The following SHPK variants were observed in gnomAD, a reference collection of about 807,000 sequenced individuals.
SHPK encodes sedoheptulokinase.
In SHPK, 51 loss-of-function variants were observed where a neutral mutation model predicts 46.3. The ratio of observed to expected loss-of-function variants is 1.10; its 90% CI spans 0.88 to 1.39. The LOEUF is 1.39. Ranked by LOEUF, SHPK falls within the 40% of genes most tolerant of loss-of-function variation. The probability of loss-of-function intolerance (pLI) is 0.00; values close to 1 mark genes in which losing one functional copy is unlikely to be tolerated. For synonymous variants in SHPK, 290 were observed against 273.9 expected (o/e 1.06, Z -0.58); for missense variants, 668 against 641.3 (o/e 1.04, Z -0.45).
intron 5 of SHPK, among the ~76,000 whole-genome samples, chr17:3,617,964 G>T (rs553544131): frequency 6.6e-6 from 1 of 152,296 alleles, no homozygotes; most frequent in South Asian, 2.1e-4. Context: ...CATAAAAAAT[G>T]CTTTGTCTGC....
intron 2 of SHPK, among the ~76,000 whole-genome samples, chr17:3,628,608 A>G (rs1183580822): frequency 1.3e-5 from 2 of 151,854 alleles, no homozygotes; most frequent in African/African-American, 4.8e-5. Context: ...GGCGTGAGCC[A>G]TTGTGCCTGG....
At chr17:3,614,512 G>T (rs1220131784) in intron 6 of SHPK, among the ~76,000 whole-genome samples, 1 of 147,242 alleles carries the variant, frequency 6.8e-6, no homozygotes. Flanking sequence ...GCAACAGAGC[G>T]AGACTCCATC....
In SHPK at chr17:3,610,818, G is replaced by A. The variant is rs139688635; in HGVS notation, c.1179C>T (p.Leu393=). ...GAGCCCGGGTCACGTGCCCCAGGGA[G>A]AGGTCGGAGGAGGAGATTCTGGTCA... ...ASVTRISSSD[L]SLGHVTRALC... is the part of the protein sequence containing the mutation. The change falls in exon 7 of 7, where the codon CTC becomes CTT. Residue 393 remains leucine, a synonymous_variant. Transcript: ENST00000225519. 3 of 1,614,070 alleles carry A rather than the reference G, an allele frequency of 1.9e-6. No individual in the cohort carries two copies. The highest frequency in any genetic ancestry group is 2.5e-6 in the Non-Finnish European group (3 of 1,180,032).
chr17:3,634,415 C>G (rs1001549344), intron 1 of SHPK, among the ~76,000 whole-genome samples: 3 of 151,316 alleles, frequency 2.0e-5, no homozygotes, highest in Non-Finnish European at 2.9e-5. Flanking sequence ...ACCAAAAATA[C>G]AAAAAAATTC....
chr17:3,635,359 C>A (rs1478926728), intron 1 of SHPK, among the ~76,000 whole-genome samples: 2 of 151,862 alleles, frequency 1.3e-5, no homozygotes, highest in East Asian at 3.9e-4. Context: ...CCTCAGCCTC[C>A]CGAGTAGCTG....
intron 6 of SHPK, among the ~76,000 whole-genome samples, chr17:3,611,247 C>T (rs1194721262): frequency 6.6e-6 from 1 of 152,048 alleles, no homozygotes; most frequent in African/African-American, 2.4e-5. Context: ...GCTTCTTAAC[C>T]AAGGGGACCA....
At position 3,636,238 on chromosome 17, in the gene SHPK, A is replaced by G; in HGVS notation, c.-19T>C. On this transcript the variant is annotated 5_prime_UTR_variant, in exon 1 of 7. Transcript: ENST00000225519. ...CAGCCATTATCTCCCTGACCCGCGC[A>G]GCTCCAGTCTGCAGCCAGCGGCCCC... The G allele has an allele frequency of 1.3e-6, 2 of 1,583,758 alleles. No homozygotes were observed. The highest frequency in any genetic ancestry group is 4.6e-5 in the East Asian group (2 of 43,338).
intron 1 of SHPK, among the ~76,000 whole-genome samples, chr17:3,631,512 C>CCTT (rs2075471665): frequency 5.7e-5 from 3 of 53,036 alleles, no homozygotes; most frequent in African/African-American, 1.8e-4. Flanking sequence ...TAATTTAATG[C>CCTT]TTTTTTTTTT....
At chr17:3,627,716 G>C (rs1385722367) in intron 2 of SHPK, among the ~76,000 whole-genome samples, 1 of 151,412 alleles carries the variant, frequency 6.6e-6, no homozygotes, top group Non-Finnish European at 1.5e-5. Flanking sequence ...TGGTTTGTGT[G>C]GTTGTTAGAG....
rs201449504 is a variant in SHPK, at chr17:3,615,850, ATTTT to A, written c.824-317_824-314del. Among the ~76,000 whole-genome samples the A allele has an allele frequency of 7.4e-5, 8 of 107,602 alleles. 1 individual carries two copies. Among genetic ancestry groups the A allele is most frequent in the Admixed American group, 1.9e-4 (2 of 10,700 alleles). The allele number at this position is 107,602 out of a possible 152,430, so 70.6% of individuals were successfully genotyped here. On this transcript the variant is annotated intron_variant, in intron 5 of 6. Coordinates refer to ENST00000225519, the MANE Select transcript of SHPK (RefSeq NM_013276.4). ...TGTTGAAGAGATGTTGATCAAAGGA[ATTTT>A]TTTTTTTTTTTTTTTTTTGAGACAG...
At chr17:3,616,722 T>C (rs1297422200) in intron 5 of SHPK, among the ~76,000 whole-genome samples, 2 of 152,170 alleles carry the variant, frequency 1.3e-5, no homozygotes, top group Non-Finnish European at 2.9e-5. Context: ...CAAAGTATTC[T>C]TTTTGTTGTT....
intron 1 of SHPK, among the ~76,000 whole-genome samples, chr17:3,631,510 TGC>T: frequency 1.5e-5 from 2 of 137,006 alleles, no homozygotes; most frequent in African/African-American, 2.7e-5. Context: ...TCTAATTTAA[TGC>T]TTTTTTTTTT....
chr17:3,619,363 T>A lies in SHPK; in HGVS notation c.823+1874A>T, dbSNP rs1408171740. 1.0e-5 allele frequency: 15 copies of A among 1,479,314 alleles called. 1 individual carries two copies. The highest frequency in any genetic ancestry group is 1.4e-5 in the Non-Finnish European group (15 of 1,061,702). The allele number at this position is 1,479,314 out of a possible 1,614,324, so 91.6% of individuals were successfully genotyped here. A position where few individuals can be genotyped will look rare whatever the true frequency, so the allele number is the denominator to read the frequency against. ...GTTATCTGGACCTTGTTTTATACATTGAACCATTCCGGGTGATGATTCATC... is the reference window on the plus strand; with the variant it reads ...GTTATCTGGACCTTGTTTTATACATAGAACCATTCCGGGTGATGATTCATC... On this transcript the variant is annotated intron_variant, in intron 5 of 6. Coordinates refer to ENST00000225519, the MANE Select transcript of SHPK (RefSeq NM_013276.4).
At chr17:3,619,374 G>A (rs558446916) in intron 5 of SHPK, 137 of 1,525,378 alleles carry the variant, frequency 9.0e-5, no homozygotes, top group African/African-American at 1.9e-4. Flanking sequence ...GAACCATTCC[G>A]GGTGATGATT....
chr17:3,611,831 G>A (rs1470698044), intron 6 of SHPK, among the ~76,000 whole-genome samples: 5 of 120,192 alleles, frequency 4.2e-5, no homozygotes, highest in East Asian at 4.9e-4. Flanking sequence ...TCTGAGGCTC[G>A]CTGTGTCACC....
In SHPK at chr17:3,617,990, T is replaced by C. The variant is rs377692525; in HGVS notation, c.824-2453A>G. On this transcript the variant is annotated intron_variant, in intron 5 of 6. Coordinates refer to ENST00000225519, the MANE Select transcript of SHPK (RefSeq NM_013276.4). ...CTTTGTCTGCCCTATCAAAATTGTT[T>C]TGTCTTGCTTCTGCAAATACTTTAT... 3.3e-5 allele frequency among the ~76,000 whole-genome samples: 5 copies of C among 152,370 alleles called. No homozygotes were observed. The East Asian group carries it at 7.7e-4, about 23-fold the overall frequency.
chr17:3,629,655 G>T (rs1043215544), intron 2 of SHPK, among the ~76,000 whole-genome samples: 3 of 151,202 alleles, frequency 2.0e-5, no homozygotes, highest in Non-Finnish European at 2.9e-5. Context: ...TTGAACTCGG[G>T]AGGCAGAGGT....
chr17:3,635,381 G>A (rs1567689105), intron 1 of SHPK, among the ~76,000 whole-genome samples: 1 of 150,620 alleles, frequency 6.6e-6, no homozygotes, highest in Non-Finnish European at 1.5e-5. Context: ...GACTACAGGC[G>A]CCCGCCACCA....
At chr17:3,619,776 C>T (rs2075389337) in intron 5 of SHPK, 1 of 430,472 alleles carries the variant, frequency 2.3e-6, no homozygotes, top group Non-Finnish European at 4.5e-6. Context: ...TTGTAGATGG[C>T]ATCTCTCTCT....
Sources: gnomAD v4.1 joint callset for allele counts (sites outside exome capture counted in the v4.1 genomes callset) on GRCh38, gnomAD v4.1.1 for gene constraint, MANE v1.5 for transcripts, NCBI Gene and HGNC (gene_info 2026-07-23, HGNC 2026-07-21) for gene names.